Variants in KIF6 observed in about 807,000 individuals in gnomAD.
The protein encoded by KIF6 is kinesin-like protein KIF6.
Under a neutral mutation model 112.7 loss-of-function variants are expected in KIF6, and 106 were observed. The ratio of observed to expected loss-of-function variants is 0.94; its 90% CI spans 0.80 to 1.11. The LOEUF (loss-of-function observed/expected upper bound fraction) is 1.11, where lower values mean the gene tolerates loss of function less well. Among genes scored for constraint, KIF6 ranks in the 50% least tolerant of loss-of-function variants. The pLI is 0.00. For synonymous variants in KIF6, 339 were observed against 339.9 expected (o/e 1.00, Z 0.03); for missense variants, 929 against 964.0 (o/e 0.96, Z 0.48).
intron 13 of KIF6, among the ~76,000 whole-genome samples, chr6:39,434,622 G>A (rs887250416): frequency 6.6e-6 from 1 of 151,920 alleles, no homozygotes; most frequent in Non-Finnish European, 1.5e-5. Flanking sequence ...AACAAGAAAA[G>A]TGAACAAATA....
intron 13 of KIF6, among the ~76,000 whole-genome samples, chr6:39,444,916 A>C (rs984737245): frequency 6.6e-6 from 1 of 152,030 alleles, no homozygotes; most frequent in Non-Finnish European, 1.5e-5. Context: ...AGAGCTGGAG[A>C]TCTCTGTGAA....
At chr6:39,643,641 C>G (rs984089586) in intron 3 of KIF6, among the ~76,000 whole-genome samples, 1 of 152,064 alleles carries the variant, frequency 6.6e-6, no homozygotes, top group Non-Finnish European at 1.5e-5. Flanking sequence ...AAAGCTGGAC[C>G]TCTACCTCAG....
At chr6:39,513,286 C>T (rs1225592485) in intron 13 of KIF6, among the ~76,000 whole-genome samples, 1 of 152,152 alleles carries the variant, frequency 6.6e-6, no homozygotes, top group Non-Finnish European at 1.5e-5. Context: ...TTTCCTCCTC[C>T]CTAGTGGACC....
At chr6:39,511,150 T>A (rs1776759251) in intron 13 of KIF6, among the ~76,000 whole-genome samples, 1 of 152,142 alleles carries the variant, frequency 6.6e-6, no homozygotes, top group African/African-American at 2.4e-5. Flanking sequence ...ATTAGACAGA[T>A]CAATGAGACA....
At chr6:39,360,552 G>A (rs1765050124) in intron 17 of KIF6, 22 bp from the exon 18 acceptor site, 3 of 1,613,968 alleles carry the variant, frequency 1.9e-6, no homozygotes, top group Non-Finnish European at 2.5e-6. Flanking sequence ...TCGGGGAAGA[G>A]TCAGGGCACT....
At chr6:39,604,299 T>G (rs965723781) in intron 6 of KIF6, among the ~76,000 whole-genome samples, 1 of 152,160 alleles carries the variant, frequency 6.6e-6, no homozygotes, top group Admixed American at 6.6e-5. Context: ...TTTATATAGT[T>G]CTTCCCATAT....
intron 19 of KIF6, among the ~76,000 whole-genome samples, chr6:39,351,366 G>T (rs1197235832): frequency 6.6e-6 from 1 of 151,294 alleles, no homozygotes; most frequent in Admixed American, 6.6e-5. Flanking sequence ...GAGTAGCTGC[G>T]ACTACAGGCA....
At chr6:39,666,377 T>A (rs1786462103) in intron 3 of KIF6, among the ~76,000 whole-genome samples, 1 of 152,208 alleles carries the variant, frequency 6.6e-6, no homozygotes, top group Admixed American at 6.5e-5. Context: ...AATTTTATGA[T>A]CTAACAGGAG....
intron 9 of KIF6, among the ~76,000 whole-genome samples, chr6:39,582,358 T>TA (rs1307010907): frequency 6.6e-6 from 1 of 152,166 alleles, no homozygotes; most frequent in African/African-American, 2.4e-5. Context: ...ATAGTTCTTT[T>TA]ACCACCTTGT....
chr6:39,354,386 C>A (rs1343383513), intron 19 of KIF6, among the ~76,000 whole-genome samples: 1 of 152,178 alleles, frequency 6.6e-6, no homozygotes, highest in African/African-American at 2.4e-5. Context: ...TGATCATATC[C>A]CAAACTGGCT....
chr6:39,621,238 CAT>C (rs1783805294), intron 5 of KIF6, among the ~76,000 whole-genome samples: 1 of 150,798 alleles, frequency 6.6e-6, no homozygotes, highest in African/African-American at 2.5e-5. Flanking sequence ...CACACGTACA[CAT>C]ATATCTTTAA....
Position 39,466,609 on chromosome 6 carries a change from G to A in KIF6, c.1646-35448C>T, listed in dbSNP as rs143182079. 4.6e-3 allele frequency among the ~76,000 whole-genome samples: 701 copies of A among 152,028 alleles called. 11 individuals carry two copies. Among genetic ancestry groups the A allele is most frequent in the African/African-American group, 0.016 (673 of 41,438 alleles). On this transcript the variant is annotated intron_variant, in intron 13 of 22. Coordinates refer to ENST00000287152, the MANE Select transcript of KIF6 (RefSeq NM_145027.6). Reference sequence around the variant, plus strand: ...CACCCCCCACCTCTGCATGATGGAAGCTCTACTCTGGATGACTGTAAATTA... The same window carrying A: ...CACCCCCCACCTCTGCATGATGGAAACTCTACTCTGGATGACTGTAAATTA...
At position 39,349,631 on chromosome 6, in the gene KIF6, C is replaced by CTTT. The variant is rs58810898; in HGVS notation, c.2181-3108_2181-3106dup. On this transcript the variant is annotated intron_variant, in intron 19 of 22. Coordinates refer to ENST00000287152, the MANE Select transcript of KIF6 (RefSeq NM_145027.6). ...GAAGGTCTAGGTTTAATTTGTGGCT[C>CTTT]TTTTTTTTTTTTTTTTTTTTTTTTT... Among the ~76,000 whole-genome samples the CTTT allele has an allele frequency of 2.8e-3, 180 of 64,560 alleles. 28 individuals carry two copies. The highest frequency in any genetic ancestry group is 4.6e-3 in the African/African-American group (71 of 15,496). 42.4% of individuals were successfully genotyped at this position (64,560 alleles called of 152,430 possible).
intron 2 of KIF6, among the ~76,000 whole-genome samples, chr6:39,717,003 C>CACTGTT (rs1327353401): frequency 2.0e-5 from 3 of 152,232 alleles, no homozygotes; most frequent in Admixed American, 1.3e-4. Context: ...TCAACATTTC[C>CACTGTT]ACTGTTACCA....
intron 15 of KIF6, among the ~76,000 whole-genome samples, chr6:39,415,585 T>G (rs1029780890): frequency 2.0e-5 from 3 of 152,250 alleles, no homozygotes; most frequent in African/African-American, 7.2e-5. Context: ...AAGGATATAC[T>G]TGATCCGGGT....
intron 14 of KIF6, among the ~76,000 whole-genome samples, chr6:39,425,838 T>A (rs977422725): frequency 2.0e-5 from 3 of 148,252 alleles, no homozygotes; most frequent in Non-Finnish European, 4.5e-5. Context: ...AAAATGAAAG[T>A]CTAATGGGAG....
intron 5 of KIF6, among the ~76,000 whole-genome samples, chr6:39,628,245 C>CGTGTGT (rs140599243): frequency 7.4e-5 from 11 of 149,138 alleles, no homozygotes; most frequent in Middle Eastern, 3.5e-3. Flanking sequence ...TACTCATTTA[C>CGTGTGT]GTGTGTGTGT....
chr6:39,563,970 T>G (rs779679033), intron 10 of KIF6, among the ~76,000 whole-genome samples: 2 of 152,204 alleles, frequency 1.3e-5, no homozygotes, highest in Non-Finnish European at 2.9e-5. Flanking sequence ...TTCTCCAAAC[T>G]TACAGGAAAA....
At chr6:39,353,049 G>T (rs1420092264) in intron 19 of KIF6, among the ~76,000 whole-genome samples, 1 of 152,008 alleles carries the variant, frequency 6.6e-6, no homozygotes, top group Non-Finnish European at 1.5e-5. Context: ...GTGGACATAA[G>T]TTTTCACCTC....
Sources: gnomAD v4.1 joint callset for allele counts (sites outside exome capture counted in the v4.1 genomes callset) on GRCh38, gnomAD v4.1.1 for gene constraint, MANE v1.5 for transcripts, NCBI Gene and HGNC (gene_info 2026-07-23, HGNC 2026-07-21) for gene names.